LINGO2: variants seen among roughly 807,000 people sequenced by gnomAD.
LINGO2 encodes leucine-rich repeat and immunoglobulin-like domain-containing nogo receptor-interacting protein 2.
Under a neutral mutation model 30.6 loss-of-function variants are expected in LINGO2, and 14 were observed. That is an observed-to-expected ratio of 0.46 (90% CI 0.30 to 0.72). LINGO2 has a LOEUF of 0.72. Among genes scored for constraint, LINGO2 ranks in the 30% least tolerant of loss-of-function variants. LINGO2 has a pLI of 0.07. For missense variants in LINGO2, 729 were observed against 751.7 expected (o/e 0.97, Z 0.35); for synonymous variants, 317 against 288.5 (o/e 1.10, Z -1.00).
chr9:28,225,976 T>C (rs1268873074), intron 4 of LINGO2, among the ~76,000 whole-genome samples: 1 of 152,080 alleles, frequency 6.6e-6, no homozygotes, highest in South Asian at 2.1e-4. Context: ...ACTCTGAAAA[T>C]TGATGCTAAA....
intron 4 of LINGO2, among the ~76,000 whole-genome samples, chr9:28,015,998 C>CAAAAAAAA (rs35234256): frequency 2.5e-5 from 3 of 122,428 alleles, no homozygotes; most frequent in African/African-American, 6.2e-5. Flanking sequence ...GTAAAAGGGA[C>CAAAAAAAA]AAAAAAAAAA....
At chr9:28,799,585 G>C in the LINGO2 span, among the ~76,000 whole-genome samples, 4 of 152,142 alleles carry the variant, frequency 2.6e-5, no homozygotes, top group African/African-American at 9.6e-5. Context: ...CAGGTAGGGA[G>C]TTGTGCTGAA....
intron 4 of LINGO2, among the ~76,000 whole-genome samples, chr9:28,106,017 A>G (rs1187129750): frequency 6.6e-6 from 1 of 152,152 alleles, no homozygotes; most frequent in East Asian, 1.9e-4. Context: ...GCCTCCTGTC[A>G]GATCAGCAGC....
intron 1 of LINGO2, among the ~76,000 whole-genome samples, chr9:28,613,889 T>A (rs1254516926): frequency 6.6e-6 from 1 of 152,216 alleles, no homozygotes; most frequent in Admixed American, 6.5e-5. Flanking sequence ...ATCCACAATT[T>A]GAATTGACAT....
the LINGO2 span, among the ~76,000 whole-genome samples, chr9:28,825,758 C>T: frequency 1.1e-4 from 17 of 152,112 alleles, no homozygotes; most frequent in African/African-American, 4.1e-4. Flanking sequence ...GACCCATTGT[C>T]TCAGAAGAGA....
the LINGO2 span, among the ~76,000 whole-genome samples, chr9:28,813,729 G>GTAA: frequency 2.0e-5 from 3 of 152,138 alleles, no homozygotes; most frequent in South Asian, 6.2e-4. Flanking sequence ...CAGAATGAAG[G>GTAA]TAAGGTACAA....
intron 3 of LINGO2, among the ~76,000 whole-genome samples, chr9:28,324,192 T>C (rs916716970): frequency 6.6e-6 from 1 of 152,184 alleles, no homozygotes; most frequent in African/African-American, 2.4e-5. Context: ...TGTCAAGGCT[T>C]CATTCCTATT....
At chr9:28,813,482 G>A in the LINGO2 span, among the ~76,000 whole-genome samples, 1 of 152,084 alleles carries the variant, frequency 6.6e-6, no homozygotes, top group East Asian at 1.9e-4. Context: ...TTGAAACTGA[G>A]GAAAGCAAAA....
intron 2 of LINGO2, among the ~76,000 whole-genome samples, chr9:28,414,004 T>C (rs1386302430): frequency 7.4e-6 from 1 of 135,598 alleles, no homozygotes; most frequent in African/African-American, 2.7e-5. Flanking sequence ...ATCACAAAAT[T>C]GCCTCCCCTA....
the LINGO2 span, among the ~76,000 whole-genome samples, chr9:28,914,153 T>C: frequency 5.3e-5 from 8 of 152,294 alleles, no homozygotes; most frequent in African/African-American, 1.9e-4. Flanking sequence ...TACAATACAA[T>C]GTGTGTAATT....
At chr9:28,546,975 A>G (rs1447818589) in intron 1 of LINGO2, among the ~76,000 whole-genome samples, 1 of 152,094 alleles carries the variant, frequency 6.6e-6, no homozygotes, top group East Asian at 1.9e-4. Context: ...ATTCCCATCA[A>G]TTATTTCAGA....
At chr9:28,728,361 T>C in the LINGO2 span, among the ~76,000 whole-genome samples, 2 of 151,006 alleles carry the variant, frequency 1.3e-5, no homozygotes, top group African/African-American at 4.9e-5. Flanking sequence ...CAATCAAAAG[T>C]TAAATTATTA....
chr9:28,638,324 C>A (rs1827388277), intron 1 of LINGO2, among the ~76,000 whole-genome samples: 1 of 152,146 alleles, frequency 6.6e-6, no homozygotes, highest in African/African-American at 2.4e-5. Flanking sequence ...CAGGATGATG[C>A]TGGCCTCATA....
chr9:28,588,196 T>C (rs187399488), intron 1 of LINGO2, among the ~76,000 whole-genome samples: 121 of 152,144 alleles, frequency 8.0e-4, no homozygotes, highest in African/African-American at 2.8e-3. Context: ...GTTTCTAGCA[T>C]GGTGTTTCCT....
chr9:28,877,019 TC>T, the LINGO2 span, among the ~76,000 whole-genome samples: 1 of 152,318 alleles, frequency 6.6e-6, no homozygotes, highest in Admixed American at 6.5e-5. Flanking sequence ...AACCATTTTT[TC>T]ATGTGTTTTT....
At chr9:28,409,821 C>G (rs2134801833) in intron 2 of LINGO2, among the ~76,000 whole-genome samples, 1 of 150,918 alleles carries the variant, frequency 6.6e-6, no homozygotes, top group East Asian at 1.9e-4. Context: ...CCAACAACCT[C>G]TTTAAACTAA....
chr9:28,207,561 T>C (rs890418291), intron 4 of LINGO2, among the ~76,000 whole-genome samples: 2 of 152,058 alleles, frequency 1.3e-5, no homozygotes, highest in African/African-American at 4.8e-5. Context: ...AAGTCTCCTC[T>C]CTCACTTCCA....
At chr9:29,043,381 A>C in the LINGO2 span, among the ~76,000 whole-genome samples, 1 of 151,986 alleles carries the variant, frequency 6.6e-6, no homozygotes, top group Non-Finnish European at 1.5e-5. Flanking sequence ...TGAAGATGAT[A>C]AGGTCTATGA....
At chr9:29,079,113 G>C in the LINGO2 span, among the ~76,000 whole-genome samples, 4 of 150,870 alleles carry the variant, frequency 2.7e-5, no homozygotes, top group Non-Finnish European at 4.4e-5. Flanking sequence ...TTCCTAATTT[G>C]GGTATAGACA....
Sources: allele counts gnomAD v4.1 joint callset (sites outside exome capture counted in the v4.1 genomes callset), GRCh38; gene constraint gnomAD v4.1.1; transcripts MANE v1.5; gene names NCBI Gene and HGNC (gene_info 2026-07-23, HGNC 2026-07-21).